Variants in ZNF93 observed in about 807,000 individuals in gnomAD.
ZNF93 encodes zinc finger protein 93.
A neutral mutation model predicts 45.0 loss-of-function variants in ZNF93; 29 were observed. The observed-to-expected ratio is 0.64, with a 90% CI of 0.48 to 0.88. The LOEUF (loss-of-function observed/expected upper bound fraction) is 0.88. Among genes scored for constraint, ZNF93 ranks in the 40% least tolerant of loss-of-function variants. The pLI, the probability that ZNF93 is intolerant of heterozygous loss-of-function variation, is 0.00. For synonymous variants in ZNF93, 223 were observed against 244.6 expected (o/e 0.91, Z 0.82); for missense variants, 578 against 724.0 (o/e 0.80, Z 2.31).
intron 1 of ZNF93, chr19:19,908,494 A>G (rs1240824793): frequency 2.0e-5 from 3 of 152,132 alleles, no homozygotes; most frequent in African/African-American, 7.2e-5. Flanking sequence ...CTGATGATCA[A>G]TCTTATATCT....
chr19:19,932,141 C>T (rs1056582411), intron 3 of ZNF93: 7 of 211,026 alleles, frequency 3.3e-5, no homozygotes, highest in Non-Finnish European at 6.8e-5. Flanking sequence ...GGCATGGTGG[C>T]CCATGCCTGT....
intron 3 of ZNF93, 31 bp downstream of exon 3, chr19:19,916,686 C>G: frequency 6.5e-7 from 1 of 1,536,320 alleles, no homozygotes; most frequent in Non-Finnish European, 8.9e-7. Flanking sequence ...ATACAACAGA[C>G]AACACAGTAA....
chr19:19,911,204 T>C (rs2122168093), intron 1 of ZNF93, among the ~76,000 whole-genome samples: 1 of 152,318 alleles, frequency 6.6e-6, no homozygotes, highest in South Asian at 2.1e-4. Context: ...GCAGTTCCAT[T>C]TTCTATTCAG....
intron 3 of ZNF93, among the ~76,000 whole-genome samples, chr19:19,929,560 C>T (rs1739765764): frequency 6.6e-6 from 1 of 152,122 alleles, no homozygotes; most frequent in Non-Finnish European, 1.5e-5. Context: ...TTATACATTC[C>T]TGCTAAATCA....
intron 3 of ZNF93, among the ~76,000 whole-genome samples, chr19:19,930,317 T>G (rs200908445): frequency 5.3e-5 from 8 of 152,088 alleles, no homozygotes; most frequent in African/African-American, 9.6e-5. Context: ...AGGTGTACAG[T>G]ATGGAACCTG....
At chr19:19,910,704 T>C (rs2063305379) in intron 1 of ZNF93, among the ~76,000 whole-genome samples, 1 of 151,604 alleles carries the variant, frequency 6.6e-6, no homozygotes, top group Admixed American at 6.6e-5. Context: ...TAGAGTAGTC[T>C]CTATGAGGGG....
rs59393098 is a variant in ZNF93 at position 19,907,549 on chromosome 19, CTT to C, written c.3+6472_3+6473del. ...TATAAATTTAACAGCATTTTCTTTT[CTT>C]TTTTTTTTTTTTTGAGACAGAGTCT... is the stretch of plus-strand genomic sequence containing the variant. On this transcript the variant is annotated intron_variant, in intron 1 of 3. Transcript: ENST00000343769. Among the ~76,000 whole-genome samples, 355 of 137,482 alleles carry C rather than the reference CTT, an allele frequency of 2.6e-3. 3 individuals are homozygous for C. The highest frequency in any genetic ancestry group is 8.7e-3 in the African/African-American group (308 of 35,308). The allele number at this position is 137,482 out of a possible 152,430, so 90.2% of individuals were successfully genotyped here.
At chr19:19,912,300 C>T (rs1479709123) in intron 1 of ZNF93, among the ~76,000 whole-genome samples, 1 of 152,128 alleles carries the variant, frequency 6.6e-6, no homozygotes, top group Non-Finnish European at 1.5e-5. Flanking sequence ...AGGGTTCTCA[C>T]CCTGCCCCAG....
Position 19,907,729 on chromosome 19 carries a change from G to A in ZNF93, c.3+6638G>A, listed in dbSNP as rs1209463809. 2.6e-5 allele frequency: 4 copies of A among 151,822 alleles called. No homozygotes were observed. In the South Asian group the frequency reaches 6.3e-4, roughly 24 times the overall value. 9.4% of individuals were successfully genotyped at this position (151,822 alleles called of 1,614,324 possible). On this transcript the variant is annotated intron_variant, in intron 1 of 3. Coordinates refer to ENST00000343769, the MANE Select transcript of ZNF93 (RefSeq NM_031218.4). ...AGCTTTTGTATTTTTAGCAGAGATG[G>A]AGTCTTACCACGTTCGCCAGCTTGA...
At chr19:19,913,481 G>A (rs1388499700) in intron 1 of ZNF93, among the ~76,000 whole-genome samples, 1 of 152,094 alleles carries the variant, frequency 6.6e-6, no homozygotes, top group Non-Finnish European at 1.5e-5. Context: ...TGAACTAGAG[G>A]GTGGTCACAG....
rs181366609 is a variant in ZNF93, at chr19:19,924,369, C to T, written c.226+7714C>T. Among the ~76,000 whole-genome samples the T allele has an allele frequency of 8.6e-5, 13 of 151,672 alleles. 1 individual carries two copies. Among genetic ancestry groups the T allele is most frequent in the Admixed American group, 5.3e-4 (8 of 15,236 alleles). ...GCCTCCCAAAGTGCTGGGATTACAG[C>T]CGTGAGCCACCGCACCCAGCCGGAT... On this transcript the variant is annotated intron_variant, in intron 3 of 3. Coordinates refer to ENST00000343769, the MANE Select transcript of ZNF93 (RefSeq NM_031218.4).
intron 1 of ZNF93, chr19:19,907,647 A>G (rs2063296639): frequency 6.6e-6 from 1 of 151,938 alleles, no homozygotes; most frequent in African/African-American, 2.4e-5. Context: ...CCTGGGTTCA[A>G]GTGATTCTCC....
chr19:19,920,284 C>T (rs1373733861), intron 3 of ZNF93, among the ~76,000 whole-genome samples: 1 of 152,182 alleles, frequency 6.6e-6, no homozygotes, highest in East Asian at 1.9e-4. Context: ...ACCAGCCTGG[C>T]ATCCCAGGGA....
rs2063321227 is a variant in ZNF93 at position 19,915,517 on chromosome 19, A to AT, written c.130+117dup. ...CTTTGCATAAAGGAGTTTCAGATCC[A>AT]TTTTTTCCAGAAAATCTTCAGAATT... On this transcript the variant is annotated intron_variant, in intron 2 of 3. Coordinates refer to ENST00000343769, the MANE Select transcript of ZNF93 (RefSeq NM_031218.4). 35 of 1,395,006 alleles carry AT rather than the reference A, an allele frequency of 2.5e-5. No individual in the cohort carries two copies. The South Asian group carries it at 3.9e-4, about 16-fold the overall frequency. The allele number at this position is 1,395,006 out of a possible 1,614,324, so 86.4% of individuals were successfully genotyped here. A position where few individuals can be genotyped will look rare whatever the true frequency, so the allele number is the denominator to read the frequency against.
At chr19:19,903,589 A>C (rs1764660343) in intron 1 of ZNF93, among the ~76,000 whole-genome samples, 1 of 152,054 alleles carries the variant, frequency 6.6e-6, no homozygotes, top group Non-Finnish European at 1.5e-5. Flanking sequence ...AACGTGGTGA[A>C]ACTCCATCGT....
Position 19,915,426 on chromosome 19 carries a change from A to C in ZNF93, c.130+20A>C. On this transcript the variant is annotated intron_variant, in intron 2 of 3. Coordinates refer to ENST00000343769, the MANE Select transcript of ZNF93 (RefSeq NM_031218.4). ...TCCTTGGTGAGGATAACTTTAATAC[A>C]TAATTCATAATACACCCTAAAGGTT... The C allele has an allele frequency of 6.2e-7, 1 of 1,604,390 alleles. No individual in the cohort carries two copies. Among genetic ancestry groups the C allele is most frequent in the Non-Finnish European group, 8.5e-7 (1 of 1,176,906 alleles).
At chr19:19,907,328 AAGTTCCATTGAC>A (rs2122163062) in intron 1 of ZNF93, among the ~76,000 whole-genome samples, 1 of 152,322 alleles carries the variant, frequency 6.6e-6, no homozygotes, top group South Asian at 2.1e-4. Flanking sequence ...AAAAGATACT[AAGTTCCATTGAC>A]AGAAACCTGA....
rs1371750850 is a variant in ZNF93, at chr19:19,929,660, C to T, written c.227-3522C>T. ...GTGCAGAGATAAGAGATTGTAGGGC[C>T]GGGCGTGGTGGCTCACGCCTGTAAT... On this transcript the variant is annotated intron_variant, in intron 3 of 3. Transcript: ENST00000343769. 4.6e-5 allele frequency among the ~76,000 whole-genome samples: 7 copies of T among 152,172 alleles called. No homozygotes were observed. The East Asian group carries it at 5.8e-4, about 13-fold the overall frequency.
rs575112105 is a variant in ZNF93, at chr19:19,901,107, C to A, written c.3+16C>A. The A allele has an allele frequency of 1.2e-6, 2 of 1,613,460 alleles. No individual in the cohort carries two copies. The highest frequency in any genetic ancestry group is 2.2e-5 in the South Asian group (2 of 91,062). On this transcript the variant is annotated intron_variant, in intron 1 of 3. Coordinates refer to ENST00000343769, the MANE Select transcript of ZNF93 (RefSeq NM_031218.4). The stretch of plus-strand genomic sequence containing the variant: ...CCTAGAAATGGTGAGAGTGCCGGTC[C>A]GACATCCCAAGCGACGGGGAGGGGC...
Sources: gnomAD v4.1 joint callset for allele counts (sites outside exome capture counted in the v4.1 genomes callset) on GRCh38, gnomAD v4.1.1 for gene constraint, MANE v1.5 for transcripts, NCBI Gene and HGNC (gene_info 2026-07-23, HGNC 2026-07-21) for gene names.